PDE4D: variants seen among roughly 807,000 people sequenced by gnomAD.
The protein encoded by PDE4D is phosphodiesterase 4D, also known as 3',5'-cyclic-AMP phosphodiesterase 4D.
A neutral mutation model predicts 87.4 loss-of-function variants in PDE4D; 24 were observed. The observed-to-expected ratio is 0.27, with a 90% CI of 0.20 to 0.39. The LOEUF (loss-of-function observed/expected upper bound fraction) is 0.39, where lower values mean the gene tolerates loss of function less well. Among genes scored for constraint, PDE4D ranks in the 10% least tolerant of loss-of-function variants. PDE4D has a pLI of 1.00. For synonymous variants in PDE4D, 384 were observed against 383.2 expected (o/e 1.00, Z -0.02); for missense variants, 714 against 1,041.0 (o/e 0.69, Z 4.32).
intron 1 of PDE4D, among the ~76,000 whole-genome samples, chr5:59,864,752 C>G (rs188231856): frequency 6.6e-6 from 1 of 152,090 alleles, no homozygotes; most frequent in African/African-American, 2.4e-5. Context: ...GCCTGTGGAG[C>G]GTGCCCTTGG....
intron 1 of PDE4D, among the ~76,000 whole-genome samples, chr5:59,786,519 G>C (rs530824320): frequency 3.9e-5 from 6 of 152,308 alleles, no homozygotes; most frequent in East Asian, 1.9e-4. Context: ...GAGGCTATCC[G>C]AGTGATGATG....
At chr5:59,410,910 G>A (rs1792559464) in intron 1 of PDE4D, among the ~76,000 whole-genome samples, 1 of 152,092 alleles carries the variant, frequency 6.6e-6, no homozygotes, top group Non-Finnish European at 1.5e-5. Context: ...ATTCCCAGGT[G>A]CTACTAGAGA....
intron 6 of PDE4D, among the ~76,000 whole-genome samples, chr5:59,027,941 G>A (rs1350733030): frequency 6.6e-6 from 1 of 151,760 alleles, no homozygotes. Context: ...ATACTAGATG[G>A]TAAGATGTTG....
intron 1 of PDE4D, among the ~76,000 whole-genome samples, chr5:59,590,553 T>C (rs900058866): frequency 3.3e-5 from 5 of 152,128 alleles, no homozygotes; most frequent in Non-Finnish European, 7.4e-5. Flanking sequence ...AAAGATTATC[T>C]TTATGGCTAA....
intron 1 of PDE4D, among the ~76,000 whole-genome samples, chr5:59,589,386 C>T (rs921753851): frequency 6.6e-6 from 1 of 152,146 alleles, no homozygotes; most frequent in African/African-American, 2.4e-5. Flanking sequence ...TGTTCATTAT[C>T]AGGCATCTTG....
chr5:59,411,096 G>A (rs964358223), intron 1 of PDE4D, among the ~76,000 whole-genome samples: 1 of 152,126 alleles, frequency 6.6e-6, no homozygotes, highest in Non-Finnish European at 1.5e-5. Context: ...AGAACCTATG[G>A]AGGACTCCCC....
chr5:60,318,098 C>A (rs977439265), intron 1 of PDE4D, among the ~76,000 whole-genome samples: 4 of 152,144 alleles, frequency 2.6e-5, no homozygotes, highest in Admixed American at 2.6e-4. Flanking sequence ...GTTAAAGTCT[C>A]CCATTATTGT....
At chr5:60,234,930 G>T (rs768825061) in intron 1 of PDE4D, among the ~76,000 whole-genome samples, 1 of 151,700 alleles carries the variant, frequency 6.6e-6, no homozygotes, top group Non-Finnish European at 1.5e-5. Context: ...CAAAGAAGAC[G>T]AAATTGACGT....
intron 2 of PDE4D, among the ~76,000 whole-genome samples, chr5:60,124,942 C>T (rs764587641): frequency 3.3e-5 from 5 of 152,154 alleles, no homozygotes; most frequent in Non-Finnish European, 5.9e-5. Flanking sequence ...TTGTAAAACA[C>T]TATCTTCATT....
intron 1 of PDE4D, among the ~76,000 whole-genome samples, chr5:59,291,080 G>A (rs191451489): frequency 7.9e-5 from 12 of 152,118 alleles, no homozygotes; most frequent in Admixed American, 7.9e-4. Context: ...CCACTGCTAA[G>A]TACATACCCA....
intron 1 of PDE4D, among the ~76,000 whole-genome samples, chr5:59,487,450 T>C (rs1311004035): frequency 6.6e-6 from 1 of 152,166 alleles, no homozygotes; most frequent in East Asian, 1.9e-4. Flanking sequence ...AGAACCAGAC[T>C]CACAGCACAA....
intron 1 of PDE4D, among the ~76,000 whole-genome samples, chr5:59,231,783 T>G (rs931020016): frequency 2.6e-5 from 4 of 152,212 alleles, no homozygotes; most frequent in African/African-American, 9.6e-5. Context: ...CACACTTCAT[T>G]TAGGTTTTTT....
At chr5:60,357,192 C>T (rs543219439) in intron 1 of PDE4D, among the ~76,000 whole-genome samples, 44 of 152,086 alleles carry the variant, frequency 2.9e-4, no homozygotes, top group African/African-American at 9.9e-4. Context: ...ATCAGAGGCC[C>T]GAGAGCTGTC....
At chr5:59,478,670 G>A (rs1803730751) in intron 1 of PDE4D, among the ~76,000 whole-genome samples, 1 of 151,950 alleles carries the variant, frequency 6.6e-6, no homozygotes, top group Non-Finnish European at 1.5e-5. Context: ...TTGTGTATGT[G>A]TGCATATGTT....
intron 3 of PDE4D, among the ~76,000 whole-genome samples, chr5:59,984,057 T>C (rs1301170465): frequency 6.6e-6 from 1 of 152,022 alleles, no homozygotes; most frequent in Non-Finnish European, 1.5e-5. Context: ...AAATTTTGAC[T>C]AATAGAAGCC....
At chr5:59,822,371 A>C (rs1395209158) in intron 1 of PDE4D, among the ~76,000 whole-genome samples, 1 of 152,150 alleles carries the variant, frequency 6.6e-6, no homozygotes, top group South Asian at 2.1e-4. Context: ...TTTCACAGTG[A>C]AGGTAGATAG....
At chr5:59,323,148 T>A (rs563176471) in intron 1 of PDE4D, among the ~76,000 whole-genome samples, 4 of 152,244 alleles carry the variant, frequency 2.6e-5, no homozygotes, top group African/African-American at 9.6e-5. Flanking sequence ...CTTCATGTAG[T>A]GTACAGTGCC....
chr5:60,031,068 G>A (rs987407165), intron 2 of PDE4D: 2 of 152,176 alleles, frequency 1.3e-5, no homozygotes, highest in African/African-American at 4.8e-5. Flanking sequence ...GGACCTAAAA[G>A]AATAGTGGAC....
intron 5 of PDE4D, among the ~76,000 whole-genome samples, chr5:59,150,280 T>C (rs1322594445): frequency 3.3e-5 from 5 of 152,202 alleles, no homozygotes; most frequent in Non-Finnish European, 7.3e-5. Flanking sequence ...AAATGGCTTC[T>C]GGCATCCACT....
Sources: gnomAD v4.1 joint callset for allele counts (sites outside exome capture counted in the v4.1 genomes callset) on GRCh38, gnomAD v4.1.1 for gene constraint, MANE v1.5 for transcripts, NCBI Gene and HGNC (gene_info 2026-07-23, HGNC 2026-07-21) for gene names.